Variants in DENND4A observed in about 807,000 individuals in gnomAD.
DENND4A encodes the protein DENN domain containing 4A, also known as C-myc promoter-binding protein.
DENND4A carries 70 observed loss-of-function variants against 199.3 expected under a neutral mutation model. The observed-to-expected ratio is 0.35, with a 90% CI of 0.29 to 0.43. DENND4A has a LOEUF of 0.43. Ranked by LOEUF, DENND4A falls within the 20% of genes least tolerant of loss-of-function variation. The pLI is 1.00. For synonymous variants in DENND4A, 686 were observed against 766.9 expected, an observed-to-expected ratio of 0.89 and a Z score of 1.74; for missense variants, 1,723 against 2,255.8, an observed-to-expected ratio of 0.76 and a Z score of 4.78.
chr15:65,741,845 G>A (rs753792360), intron 4 of DENND4A, 61 bp from the exon 5 acceptor site: 18 of 1,361,798 alleles, frequency 1.3e-5, no homozygotes, highest in African/African-American at 2.9e-5. Context: ...TGATAAAATG[G>A]AATCTCTTTG....
chr15:65,769,024 C>T (rs185643424), intron 1 of DENND4A, among the ~76,000 whole-genome samples: 3 of 151,114 alleles, frequency 2.0e-5, no homozygotes, highest in African/African-American at 7.3e-5. Context: ...AAAAAAAAAC[C>T]CCCACAATTT....
Position 65,696,454 on chromosome 15 carries a change from A to G in DENND4A, c.2994T>C (p.Pro998=). 1 of 1,612,722 alleles carries G rather than the reference A, an allele frequency of 6.2e-7. No homozygotes were observed. Among genetic ancestry groups the G allele is most frequent in the South Asian group, 1.1e-5 (1 of 91,040 alleles). Residue 998 remains proline (P), a synonymous_variant, in exon 22 of 33, where the codon CCT becomes CCC. Transcript: ENST00000443035. ...TGGAAGAATTTTGATAACTGAGCTT[A>G]GGAAGGCAATCAGCACTTCCTTTTG... The part of the protein sequence containing the change: ...ESTKGSADCL[P]KLSYQNSSSI...
At chr15:65,679,866 G>C (rs1281174690) in intron 23 of DENND4A, among the ~76,000 whole-genome samples, 2 of 152,126 alleles carry the variant, frequency 1.3e-5, no homozygotes, top group African/African-American at 4.8e-5. Context: ...CCAAACAAAG[G>C]AAGGTTTTAC....
At chr15:65,767,555 C>T (rs2077019108) in intron 1 of DENND4A, among the ~76,000 whole-genome samples, 1 of 152,156 alleles carries the variant, frequency 6.6e-6, no homozygotes, top group Admixed American at 6.5e-5. Flanking sequence ...AATTCTCCTA[C>T]CTTGCCTCCC....
At chr15:65,702,748 G>A in intron 16 of DENND4A, 125 bp downstream of exon 16, 1 of 1,026,526 alleles carries the variant, frequency 9.7e-7, no homozygotes, top group South Asian at 1.6e-5. Flanking sequence ...TCTTCACAGT[G>A]CTTTGGTGAA....
intron 19 of DENND4A, 97 bp downstream of exon 19, chr15:65,700,954 A>G: frequency 7.4e-7 from 1 of 1,354,690 alleles, no homozygotes. Context: ...AAAAACTAAA[A>G]CATTCAATAT....
rs530120791 is a variant in DENND4A, at chr15:65,685,420, G to A, written c.4179+4995C>T. Among the ~76,000 whole-genome samples, 5 of 152,276 alleles carry A rather than the reference G, an allele frequency of 3.3e-5. No homozygotes were observed. The South Asian group carries it at 8.3e-4, about 25-fold the overall frequency. On this transcript the variant is annotated intron_variant, in intron 23 of 32. Transcript: ENST00000443035. ...GGATTACAGGCGTGAGCCACCGCCA[G>A]CCCACAATTTTTATAGTGTTAGCTC...
chr15:65,663,218 T>TA (rs907714773), intron 32 of DENND4A, among the ~76,000 whole-genome samples: 2 of 145,556 alleles, frequency 1.4e-5, no homozygotes, highest in Admixed American at 6.8e-5. Context: ...TTTTATTTTT[T>TA]TTTTTGGTTA....
At chr15:65,673,183 A>G (rs556359341) in intron 24 of DENND4A, among the ~76,000 whole-genome samples, 1 of 151,294 alleles carries the variant, frequency 6.6e-6, no homozygotes, top group Admixed American at 6.6e-5. Flanking sequence ...TTTTATAAAG[A>G]TAAAGATCAA....
chr15:65,724,668 C>T (rs2075751676), intron 11 of DENND4A, among the ~76,000 whole-genome samples: 1 of 152,044 alleles, frequency 6.6e-6, no homozygotes, highest in Admixed American at 6.6e-5. Flanking sequence ...TCTATCTTTC[C>T]ACAAATGAGA....
intron 26 of DENND4A, 42 bp from the exon 27 acceptor site, chr15:65,669,967 T>C (rs1238529320): frequency 6.2e-7 from 1 of 1,609,264 alleles, no homozygotes; most frequent in Admixed American, 1.7e-5. Flanking sequence ...AAAGAGATAT[T>C]ATAGGGAACA....
intron 20 of DENND4A, 41 bp downstream of exon 20, chr15:65,700,503 A>C: frequency 8.0e-7 from 1 of 1,256,990 alleles, no homozygotes; most frequent in Non-Finnish European, 1.0e-6. Flanking sequence ...TCTAGTTTTA[A>C]AAATGTACTA....
At chr15:65,757,651 T>A (rs1395124344) in intron 2 of DENND4A, among the ~76,000 whole-genome samples, 2 of 152,054 alleles carry the variant, frequency 1.3e-5, no homozygotes, top group African/African-American at 2.4e-5. Flanking sequence ...ATATGGATGG[T>A]CCCAGGAAAC....
At chr15:65,771,301 T>C (rs2077118435) in intron 1 of DENND4A, 4 of 1,589,628 alleles carry the variant, frequency 2.5e-6, no homozygotes, top group Non-Finnish European at 3.4e-6. Flanking sequence ...CTGTTTTTTG[T>C]TGTCTTTCTT....
intron 14 of DENND4A, among the ~76,000 whole-genome samples, chr15:65,710,793 T>C (rs1046654012): frequency 1.3e-5 from 2 of 152,246 alleles, no homozygotes; most frequent in Admixed American, 6.5e-5. Flanking sequence ...AAATCCCTCA[T>C]AGCTTGGTTC....
chr15:65,664,299 A>C (rs1294249559), intron 32 of DENND4A, 31 bp downstream of exon 32: 1 of 1,214,868 alleles, frequency 8.2e-7, no homozygotes, highest in African/African-American at 1.5e-5. Flanking sequence ...TGATATATAA[A>C]TATTACATAT....
At chr15:65,732,033 C>A (rs1313166384) in intron 8 of DENND4A, among the ~76,000 whole-genome samples, 1 of 151,984 alleles carries the variant, frequency 6.6e-6, no homozygotes, top group Non-Finnish European at 1.5e-5. Flanking sequence ...ATGGCAAATC[C>A]ATAGATTGCC....
At chr15:65,765,031 CAAT>C (rs958731828) in intron 1 of DENND4A, among the ~76,000 whole-genome samples, 5 of 149,824 alleles carry the variant, frequency 3.3e-5, no homozygotes, top group Non-Finnish European at 7.4e-5. Context: ...TTAGCATTCA[CAAT>C]AATATCAAAT....
At chr15:65,723,616 C>T (rs1199552633) in intron 11 of DENND4A, among the ~76,000 whole-genome samples, 1 of 152,042 alleles carries the variant, frequency 6.6e-6, no homozygotes, top group Non-Finnish European at 1.5e-5. Flanking sequence ...CCAGTGGATG[C>T]CTGAAATCAC....
Sources: allele counts gnomAD v4.1 joint callset (sites outside exome capture counted in the v4.1 genomes callset), GRCh38; gene constraint gnomAD v4.1.1; transcripts MANE v1.5; gene names NCBI Gene and HGNC (gene_info 2026-07-23, HGNC 2026-07-21).